ATG13: variants seen among roughly 807,000 people sequenced by gnomAD.
ATG13 encodes autophagy-related protein 13.
In ATG13, 23 loss-of-function variants were observed where a neutral mutation model predicts 65.5. The ratio of observed to expected loss-of-function variants is 0.35; its 90% CI spans 0.25 to 0.50. The LOEUF is 0.50. Ranked by LOEUF, ATG13 falls within the 20% of genes least tolerant of loss-of-function variation. The probability of loss-of-function intolerance (pLI) is 0.98; values close to 1 mark genes in which losing one functional copy is unlikely to be tolerated. For synonymous variants in ATG13, 252 were observed against 245.2 expected, an observed-to-expected ratio of 1.03 and a Z score of -0.26; for missense variants, 566 against 677.0, an observed-to-expected ratio of 0.84 and a Z score of 1.82.
intron 4 of ATG13, 80 bp downstream of exon 4, chr11:46,645,499 A>C: frequency 1.7e-6 from 2 of 1,161,312 alleles, no homozygotes; most frequent in African/African-American, 1.6e-5. Context: ...TGCAATAATA[A>C]GTAATACCAT....
intron 5 of ATG13, among the ~76,000 whole-genome samples, chr11:46,647,716 G>A (rs2057991997): frequency 2.7e-5 from 4 of 150,840 alleles, no homozygotes; most frequent in Admixed American, 2.6e-4. Flanking sequence ...GGGAGTATAT[G>A]CTGCACCACC....
intron 2 of ATG13, among the ~76,000 whole-genome samples, chr11:46,634,941 T>C (rs2053429066): frequency 6.6e-6 from 1 of 151,980 alleles, no homozygotes; most frequent in Non-Finnish European, 1.5e-5. Flanking sequence ...GACCTTGTGA[T>C]CCGCCCGACT....
intron 12 of ATG13, among the ~76,000 whole-genome samples, 161 bp from the exon 13 acceptor site, chr11:46,664,688 A>G (rs1041339647): frequency 6.6e-6 from 1 of 152,228 alleles, no homozygotes; most frequent in African/African-American, 2.4e-5. Context: ...TAACGGCCTC[A>G]TCTGTCCCTA....
chr11:46,630,433 A>G (rs1196936832), intron 2 of ATG13, among the ~76,000 whole-genome samples: 2 of 152,164 alleles, frequency 1.3e-5, no homozygotes, highest in Non-Finnish European at 2.9e-5. Flanking sequence ...TTTCATGATG[A>G]GTGAGTGGAC....
At chr11:46,640,799 G>A (rs551893410) in intron 2 of ATG13, among the ~76,000 whole-genome samples, 2 of 152,192 alleles carry the variant, frequency 1.3e-5, no homozygotes, top group African/African-American at 4.8e-5. Flanking sequence ...TTACCAGAAT[G>A]GCTAAAATTA....
chr11:46,661,582 C>G (rs1040721155), intron 11 of ATG13, among the ~76,000 whole-genome samples: 3 of 151,830 alleles, frequency 2.0e-5, no homozygotes, highest in Non-Finnish European at 4.4e-5. Flanking sequence ...AGTCCCAGCC[C>G]TTAGGGAGGC....
chr11:46,664,414 G>A (rs1333123429), intron 12 of ATG13, among the ~76,000 whole-genome samples: 1 of 152,152 alleles, frequency 6.6e-6, no homozygotes, highest in African/African-American at 2.4e-5. Flanking sequence ...AGGGGTGATG[G>A]AGGGTGTGAT....
chr11:46,620,668 G>A (rs961053534), intron 1 of ATG13, among the ~76,000 whole-genome samples: 1 of 151,770 alleles, frequency 6.6e-6, no homozygotes, highest in Non-Finnish European at 1.5e-5. Flanking sequence ...CCAGCTACTC[G>A]GGAGGCTGAG....
chr11:46,667,144 C>T (rs1454373112), intron 14 of ATG13, among the ~76,000 whole-genome samples: 1 of 152,176 alleles, frequency 6.6e-6, no homozygotes, highest in East Asian at 1.9e-4. Flanking sequence ...TTGCATAGTA[C>T]AGGTCCTCCC....
At chr11:46,633,573 C>G (rs898917875) in intron 2 of ATG13, among the ~76,000 whole-genome samples, 1 of 151,978 alleles carries the variant, frequency 6.6e-6, no homozygotes, top group Non-Finnish European at 1.5e-5. Flanking sequence ...TCTTGAATTC[C>G]TGACCTTAGG....
chr11:46,647,559 T>C (rs2057954816), intron 5 of ATG13, among the ~76,000 whole-genome samples: 1 of 151,980 alleles, frequency 6.6e-6, no homozygotes, highest in Admixed American at 6.6e-5. Flanking sequence ...ATTACAGACC[T>C]GAGCCACCAT....
chr11:46,637,138 G>A (rs1012678399), intron 2 of ATG13, among the ~76,000 whole-genome samples: 3 of 152,076 alleles, frequency 2.0e-5, no homozygotes, highest in Admixed American at 2.0e-4. Context: ...GAACTATAGG[G>A]GTTCACTATT....
intron 2 of ATG13, among the ~76,000 whole-genome samples, chr11:46,638,830 CAG>C (rs1476526823): frequency 7.2e-5 from 11 of 151,936 alleles, no homozygotes; most frequent in African/African-American, 1.2e-4. Flanking sequence ...TTTTTTGAGA[CAG>C]AGTCTCACTC....
At chr11:46,627,788 G>C (rs1157393346) in intron 1 of ATG13, among the ~76,000 whole-genome samples, 1 of 152,010 alleles carries the variant, frequency 6.6e-6, no homozygotes, top group Non-Finnish European at 1.5e-5. Context: ...CTGAATTTAA[G>C]AGCATTTTTA....
At chr11:46,638,798 T>A (rs1028356673) in intron 2 of ATG13, among the ~76,000 whole-genome samples, 18 of 151,924 alleles carry the variant, frequency 1.2e-4, no homozygotes, top group Admixed American at 1.2e-3. Context: ...GATATATATA[T>A]TCCTCTTTTT....
chr11:46,621,057 C>T (rs1227759991), intron 1 of ATG13: 1 of 151,780 alleles, frequency 6.6e-6, no homozygotes, highest in African/African-American at 2.4e-5. Context: ...CTCTGTTGCC[C>T]AGGCTGGAGT....
chr11:46,626,947 T>C (rs1364845456), intron 1 of ATG13, among the ~76,000 whole-genome samples: 1 of 152,206 alleles, frequency 6.6e-6, no homozygotes, highest in Non-Finnish European at 1.5e-5. Flanking sequence ...TCTTCCACTG[T>C]TAGTTTAAGA....
chr11:46,658,705 T>G (rs1174538732), intron 10 of ATG13, among the ~76,000 whole-genome samples: 1 of 151,972 alleles, frequency 6.6e-6, no homozygotes, highest in Non-Finnish European at 1.5e-5. Context: ...CCGGTTAATT[T>G]TTGTATTTTT....
At chr11:46,645,519 TATAAA>T in intron 4 of ATG13, 100 bp downstream of exon 4, 1 of 1,000,580 alleles carries the variant, frequency 1.0e-6, no homozygotes. Context: ...TTTATAGTAT[TATAAA>T]AGTAAAATAT....
Sources: gnomAD v4.1 joint callset for allele counts (sites outside exome capture counted in the v4.1 genomes callset) on GRCh38, gnomAD v4.1.1 for gene constraint, MANE v1.5 for transcripts, NCBI Gene and HGNC (gene_info 2026-07-23, HGNC 2026-07-21) for gene names.